Variants in NT5M observed in about 807,000 individuals in gnomAD.
The protein encoded by NT5M is 5'(3')-deoxyribonucleotidase, mitochondrial.
In NT5M, 22 loss-of-function variants were observed where a neutral mutation model predicts 22.2. That is an observed-to-expected ratio of 0.99 (90% confidence interval 0.71 to 1.41). The LOEUF is 1.41. Among genes scored for constraint, NT5M ranks in the 40% most tolerant of loss-of-function variants. The probability of loss-of-function intolerance (pLI) is 0.00; values close to 1 mark genes in which losing one functional copy is unlikely to be tolerated. For missense variants in NT5M, 322 were observed against 314.8 expected, an observed-to-expected ratio of 1.02 and a Z score of -0.17; for synonymous variants, 167 against 133.0, an observed-to-expected ratio of 1.26 and a Z score of -1.76.
At chr17:17,303,987 C>T in intron 1 of NT5M, 170 bp downstream of exon 1, 9 of 1,245,626 alleles carry the variant, frequency 7.2e-6, no homozygotes, top group Non-Finnish European at 8.0e-6. Context: ...AAGATGCGGC[C>T]CCGCGCTCAG....
chr17:17,344,960 C>T (rs1205208657), intron 4 of NT5M, 52 bp downstream of exon 4: 5 of 1,609,824 alleles, frequency 3.1e-6, no homozygotes, highest in South Asian at 1.1e-5. Context: ...CCAGCCTTGG[C>T]CCCCTTCTCC....
chr17:17,314,722 C>T lies in NT5M; in HGVS notation c.368+8079C>T, dbSNP rs565973419. On this transcript the variant is annotated intron_variant, in intron 2 of 4. Transcript: ENST00000389022. ...TCCTGTCACGCTGGCTTCTTTCCTG[C>T]CCCTTGGATGTGCCACACGTGTTTC... Among the ~76,000 whole-genome samples the T allele has an allele frequency of 7.9e-5, 12 of 152,318 alleles. No homozygotes were observed. The South Asian group carries it at 2.5e-3, about 32-fold the overall frequency.
chr17:17,336,929 C>T (rs2049526373), intron 3 of NT5M, among the ~76,000 whole-genome samples: 1 of 152,174 alleles, frequency 6.6e-6, no homozygotes, highest in South Asian at 2.1e-4. Flanking sequence ...CAAATTTTGG[C>T]TATTGTGAAT....
At position 17,303,797 on chromosome 17, in the gene NT5M, C is replaced by A. The variant is rs766643779; in HGVS notation, c.247C>A (p.Arg83Ser). The A allele has an allele frequency of 1.6e-5, 24 of 1,543,182 alleles. No homozygotes were observed. The highest frequency in any genetic ancestry group is 9.6e-6 in the Non-Finnish European group (11 of 1,143,388). Residue 83 changes from arginine (R) to serine (S), a missense_variant, in exon 1 of 5, where the codon CGC (arginine) becomes AGC (serine). Transcript: ENST00000389022. ...CTTCTGGGTGTCGGAGCAGTACGGC[C>A]GCCTGCGGCCAGGGCTGAGCGTGAG... The part of the protein sequence containing the change: ...RGFWVSEQYG[R>S]LRPGLSEKAI...
chr17:17,336,904 C>T (rs1943125479), intron 3 of NT5M, among the ~76,000 whole-genome samples: 1 of 152,166 alleles, frequency 6.6e-6, no homozygotes, highest in South Asian at 2.1e-4. Flanking sequence ...AGTTGATGTA[C>T]ACTGAGGTTG....
chr17:17,340,876 G>A (rs2049628920), intron 3 of NT5M, among the ~76,000 whole-genome samples: 3 of 151,964 alleles, frequency 2.0e-5, no homozygotes. Flanking sequence ...TTTACTTGAA[G>A]TTTTTCTTCT....
chr17:17,323,285 C>T (rs769082014), intron 3 of NT5M, 40 bp downstream of exon 3: 1 of 1,547,080 alleles, frequency 6.5e-7, no homozygotes, highest in East Asian at 2.2e-5. Context: ...TTACCCCATG[C>T]ATCACAGGTG....
At chr17:17,314,797 C>T (rs868388024) in intron 2 of NT5M, among the ~76,000 whole-genome samples, 1 of 152,200 alleles carries the variant, frequency 6.6e-6, no homozygotes, top group Non-Finnish European at 1.5e-5. Flanking sequence ...TGTTTCTGCC[C>T]TAGTTCTTTA....
Position 17,303,601 on chromosome 17 carries a change from T to A in NT5M, c.51T>A (p.Val17=). 1.5e-5 allele frequency: 18 copies of A among 1,223,286 alleles called. No homozygotes were observed. Among genetic ancestry groups the A allele is most frequent in the Non-Finnish European group, 1.8e-5 (18 of 976,880 alleles). The allele number at this position is 1,223,286 out of a possible 1,614,324, so 75.8% of individuals were successfully genotyped here. A position where few individuals can be genotyped will look rare whatever the true frequency, so the allele number is the denominator to read the frequency against. The change falls in exon 1 of 5, where the codon GTT becomes GTA. Residue 17 remains valine, a synonymous_variant. Coordinates refer to ENST00000389022, the MANE Select transcript of NT5M (RefSeq NM_020201.4). ...CGCGGCGGCTCTGCAGCGCGGCGGT[T>A]CCCGCGGGGCGGCGCGGGGCGGCGG... ...WCARRLCSAA[V]PAGRRGAAGG... is the part of the protein sequence containing the mutation.
At chr17:17,342,900 C>T (rs1459579779) in intron 3 of NT5M, among the ~76,000 whole-genome samples, 2 of 152,230 alleles carry the variant, frequency 1.3e-5, no homozygotes, top group Non-Finnish European at 2.9e-5. Flanking sequence ...CTCTCTGGTT[C>T]CTGGAACTGT....
At chr17:17,327,077 A>AGAAAC (rs2049283668) in intron 3 of NT5M, among the ~76,000 whole-genome samples, 7 of 106,482 alleles carry the variant, frequency 6.6e-5, no homozygotes, top group East Asian at 5.5e-4. Context: ...ACACCCGGCT[A>AGAAAC]ATTTTTTTTT....
chr17:17,332,793 A>T (rs2049414547), intron 3 of NT5M, among the ~76,000 whole-genome samples: 1 of 152,064 alleles, frequency 6.6e-6, no homozygotes, highest in Non-Finnish European at 1.5e-5. Context: ...CACCATGGTC[A>T]CTCAGAGCCC....
Position 17,344,873 on chromosome 17 carries a change from C to A in NT5M, c.509C>A (p.Ala170Asp), listed in dbSNP as rs748564943. The change falls in exon 4 of 5, where the codon GCT becomes GAT. Residue 170 changes from alanine (A) to aspartate (D), a missense_variant. Physicochemically the swap from Ala to Asp is moderately radical, Grantham distance 126. Coordinates refer to ENST00000389022, the MANE Select transcript of NT5M (RefSeq NM_020201.4). Reference protein sequence around the residue: ...VLTRDKTVVSADLLIDDRPDI... With the variant: ...VLTRDKTVVSDDLLIDDRPDI... ...ACCAGAGACAAGACCGTGGTCTCTGCTGACCTTCTCATAGACGACCGGCCG... is the reference window on the plus strand; with the variant it reads ...ACCAGAGACAAGACCGTGGTCTCTGATGACCTTCTCATAGACGACCGGCCG... The A allele has an allele frequency of 4.3e-5, 69 of 1,614,066 alleles. 1 individual carries two copies. The South Asian group carries it at 7.0e-4, about 16-fold the overall frequency.
At chr17:17,345,188 C>T (rs2049732164) in intron 4 of NT5M, 2 of 1,161,590 alleles carry the variant, frequency 1.7e-6, no homozygotes, top group East Asian at 3.4e-5. Context: ...CCTCATGTAA[C>T]ATGGGGACTC....
At chr17:17,304,582 T>A in intron 1 of NT5M, 1 of 262,968 alleles carries the variant, frequency 3.8e-6, no homozygotes, top group Non-Finnish European at 5.9e-6. Flanking sequence ...CCACCTAGGG[T>A]TGCTGCTGGA....
intron 3 of NT5M, among the ~76,000 whole-genome samples, chr17:17,343,962 G>A (rs1203618124): frequency 6.6e-6 from 1 of 152,164 alleles, no homozygotes; most frequent in Non-Finnish European, 1.5e-5. Context: ...CCCACCCCTG[G>A]CTGCACTGGG....
intron 2 of NT5M, among the ~76,000 whole-genome samples, chr17:17,308,382 A>C (rs2048854464): frequency 6.6e-6 from 1 of 152,074 alleles, no homozygotes; most frequent in African/African-American, 2.4e-5. Flanking sequence ...TCAAGAGGTC[A>C]GGAGTTCGAG....
At chr17:17,316,409 C>G (rs993041680) in intron 2 of NT5M, among the ~76,000 whole-genome samples, 2 of 149,934 alleles carry the variant, frequency 1.3e-5, no homozygotes, top group Non-Finnish European at 1.5e-5. Context: ...GAGTTTCACT[C>G]TTGTCATCCA....
intron 3 of NT5M, among the ~76,000 whole-genome samples, chr17:17,324,501 T>TA (rs11400183): frequency 0.19 from 28,352 of 147,718 alleles, 5,057 homozygotes; most frequent in African/African-American, 0.47. Flanking sequence ...AAACTTAATT[T>TA]AAAAAAAAAA....
Sources: allele counts gnomAD v4.1 joint callset (sites outside exome capture counted in the v4.1 genomes callset), GRCh38; gene constraint gnomAD v4.1.1; transcripts MANE v1.5; gene names NCBI Gene and HGNC (gene_info 2026-07-23, HGNC 2026-07-21).